The following SH2D7 variants were observed in gnomAD, a reference collection of about 807,000 sequenced individuals.
SH2D7 encodes the protein SH2 domain containing 7.
SH2D7 carries 32 observed loss-of-function variants against 40.8 expected under a neutral mutation model. The ratio of observed to expected loss-of-function variants is 0.78; its 90% confidence interval spans 0.59 to 1.05. The LOEUF is 1.05. Among genes scored for constraint, SH2D7 ranks in the 50% least tolerant of loss-of-function variants. The pLI, the probability that SH2D7 is intolerant of heterozygous loss-of-function variation, is 0.00. For missense variants in SH2D7, 559 were observed against 566.6 expected, an observed-to-expected ratio of 0.99 and a Z score of 0.14; for synonymous variants, 195 against 221.5, an observed-to-expected ratio of 0.88 and a Z score of 1.06.
At chr15:78,095,888 G>A (rs1181012118) in intron 2 of SH2D7, among the ~76,000 whole-genome samples, 1 of 151,932 alleles carries the variant, frequency 6.6e-6, no homozygotes, top group African/African-American at 2.4e-5. Flanking sequence ...TCTCGCTCTG[G>A]CTGGAGTGCA....
At chr15:78,098,652 GC>G in intron 4 of SH2D7, 56 bp downstream of exon 4, 1 of 1,560,026 alleles carries the variant, frequency 6.4e-7, no homozygotes, top group Non-Finnish European at 8.7e-7. Flanking sequence ...GGATGTGGGT[GC>G]CATGCTCCCA....
chr15:78,102,054 C>T (rs146327706), intron 5 of SH2D7, among the ~76,000 whole-genome samples: 55 of 152,200 alleles, frequency 3.6e-4, no homozygotes, highest in Non-Finnish European at 5.7e-4. Context: ...GAGTTTGAGA[C>T]CAGCCTGGGC....
intron 2 of SH2D7, among the ~76,000 whole-genome samples, 163 bp from the exon 3 acceptor site, chr15:78,097,766 C>T (rs1267183461): frequency 6.6e-6 from 1 of 152,088 alleles, no homozygotes; most frequent in Admixed American, 6.5e-5. Context: ...CTGATGAACA[C>T]ACCATGGCTC....
At chr15:78,092,527 G>A (rs1025616967), upstream of SH2D7, 6 of 1,495,628 alleles carry the variant, frequency 4.0e-6, no homozygotes, top group East Asian at 5.0e-5. Flanking sequence ...CAGAGCACAC[G>A]CAGATATAGA....
chr15:78,101,697 A>C, intron 5 of SH2D7, 139 bp downstream of exon 5: 4 of 1,041,210 alleles, frequency 3.8e-6, no homozygotes, highest in East Asian at 2.7e-5. Flanking sequence ...CAGCCCTAAT[A>C]TCTGCCTAGA....
Position 78,094,207 on chromosome 15 carries a change from A to C in SH2D7, c.266+6A>C. On this transcript the variant is annotated splice_donor_region_variant and intron_variant, in intron 2 of 5. Coordinates refer to ENST00000328828, the MANE Select transcript of SH2D7 (RefSeq NM_001101404.2). The stretch of plus-strand genomic sequence containing the variant: ...GGCTACATCTTGTCCTACAGGTAAG[A>C]GGGGAAGCCCTCTGGGCAAGCAAGC... 6.2e-7 allele frequency: 1 copy of C among 1,605,132 alleles called. No individual in the cohort carries two copies.
At chr15:78,090,977 A>T, upstream of SH2D7, among the ~76,000 whole-genome samples, 1 of 152,202 alleles carries the variant, frequency 6.6e-6, no homozygotes, top group Admixed American at 6.5e-5. Context: ...TGTCAGCACC[A>T]GCAGCTTTTC....
intron 5 of SH2D7, 97 bp downstream of exon 5, chr15:78,101,655 A>ACC (rs1181856453): frequency 1.8e-5 from 24 of 1,351,506 alleles, no homozygotes; most frequent in Admixed American, 2.8e-5. Context: ...AGGTCAGGTC[A>ACC]CCGCCACTGC....
rs909805527 is a variant in SH2D7, at chr15:78,092,561, G to A, written c.-24G>A. ...GAGGCATGTGCACTGGCTGCGCTCT[G>A]CTTCCACTCTGGTGCCTGCCAGCAT... On this transcript the variant is annotated 5_prime_UTR_variant, in exon 1 of 6. Transcript: ENST00000328828. 6 of 1,540,406 alleles carry A rather than the reference G, an allele frequency of 3.9e-6. No individual in the cohort carries two copies. The highest frequency in any genetic ancestry group is 5.3e-6 in the Non-Finnish European group (6 of 1,140,548).
At chr15:78,098,650 G>T in intron 4 of SH2D7, 54 bp downstream of exon 4, 1 of 1,564,382 alleles carries the variant, frequency 6.4e-7, no homozygotes, top group Non-Finnish European at 8.7e-7. Flanking sequence ...AGGGATGTGG[G>T]TGCCATGCTC....
intron 1 of SH2D7, 35 bp downstream of exon 1, chr15:78,092,795 C>G: frequency 6.3e-7 from 1 of 1,580,746 alleles, no homozygotes; most frequent in South Asian, 1.2e-5. Flanking sequence ...CCCTCATAGC[C>G]CACAGCCCCT....
chr15:78,090,630 CAT>C (rs2073934821), upstream of SH2D7, among the ~76,000 whole-genome samples: 1 of 142,992 alleles, frequency 7.0e-6, no homozygotes, highest in Admixed American at 6.8e-5. Context: ...TCACCATCAT[CAT>C]CATCATCATC....
At chr15:78,096,266 A>AT (rs2073971976) in intron 2 of SH2D7, among the ~76,000 whole-genome samples, 3 of 152,240 alleles carry the variant, frequency 2.0e-5, no homozygotes, top group African/African-American at 7.2e-5. Flanking sequence ...CAAATCCAGA[A>AT]TATATAAAGA....
In SH2D7 at chr15:78,098,090, C is replaced by T. The variant is rs764469836; in HGVS notation, c.428C>T (p.Pro143Leu). 6.2e-7 allele frequency: 1 copy of T among 1,606,148 alleles called. No individual in the cohort carries two copies. The highest frequency in any genetic ancestry group is 2.2e-5 in the East Asian group (1 of 44,646). The change falls in exon 3 of 6, where the codon CCC (proline) becomes CTC (leucine). Residue 143 changes from proline to leucine, a missense_variant. Transcript: ENST00000328828. ...AAAGAGATGCTGACTGCTGCCTGCC[C>T]CCGGGTAGGCGCCCCACTTCCCCAG... ...PFKEMLTAAC[P>L]RPEDNDLYDA...
intron 2 of SH2D7, among the ~76,000 whole-genome samples, chr15:78,095,874 GCT>G (rs955796294): frequency 1.3e-5 from 2 of 151,850 alleles, no homozygotes; most frequent in African/African-American, 4.8e-5. Flanking sequence ...ACAGAGTCTC[GCT>G]CTCTCGCTCT....
intron 1 of SH2D7, among the ~76,000 whole-genome samples, chr15:78,093,379 G>A (rs1384519260): frequency 6.6e-6 from 1 of 152,222 alleles, no homozygotes; most frequent in Non-Finnish European, 1.5e-5. Context: ...TCACTGTCTG[G>A]AAACTCTAAA....
chr15:78,101,194 C>T lies in SH2D7; in HGVS notation c.941C>T (p.Ser314Phe), dbSNP rs2074013043. ...PDQGPTESPT[S>F]WGCSDAMGSL... ...CAGGGTCCCACAGAGTCTCCCACTTCCTGGGGATGTTCTGATGCCATGGGA... is the reference window on the plus strand; with the variant it reads ...CAGGGTCCCACAGAGTCTCCCACTTTCTGGGGATGTTCTGATGCCATGGGA... The change falls in exon 5 of 6, where the codon TCC (serine) becomes TTC (phenylalanine). Residue 314 changes from serine to phenylalanine, a missense_variant. By Grantham distance (155) the Ser-to-Phe change is radical. Coordinates refer to ENST00000328828, the MANE Select transcript of SH2D7 (RefSeq NM_001101404.2). 3.1e-6 allele frequency: 5 copies of T among 1,592,240 alleles called. No individual in the cohort carries two copies. Among genetic ancestry groups the T allele is most frequent in the Non-Finnish European group, 4.3e-6 (5 of 1,171,140 alleles).
upstream of SH2D7, among the ~76,000 whole-genome samples, chr15:78,091,898 C>G (rs191959134): frequency 6.6e-6 from 1 of 152,226 alleles, no homozygotes. Context: ...AAGGCTGACC[C>G]CGACCCCTGA....
intron 2 of SH2D7, among the ~76,000 whole-genome samples, chr15:78,095,968 A>G (rs1385613641): frequency 6.6e-6 from 1 of 151,870 alleles, no homozygotes; most frequent in East Asian, 1.9e-4. Context: ...TCAGCCTCCC[A>G]ACTAGCTGGG....
Sources: gnomAD v4.1 joint callset for allele counts (sites outside exome capture counted in the v4.1 genomes callset) on GRCh38, gnomAD v4.1.1 for gene constraint, MANE v1.5 for transcripts, NCBI Gene and HGNC (gene_info 2026-07-23, HGNC 2026-07-21) for gene names.